The following RANBP2 variants were observed in gnomAD, a reference collection of about 807,000 sequenced individuals.
RANBP2 encodes E3 SUMO-protein ligase RanBP2.
RANBP2 carries 57 observed loss-of-function variants against 303.6 expected under a neutral mutation model. The observed-to-expected ratio is 0.19, with a 90% CI of 0.15 to 0.23. The LOEUF (loss-of-function observed/expected upper bound fraction) is 0.23. Ranked by LOEUF, RANBP2 falls within the 10% of genes least tolerant of loss-of-function variation. The probability of loss-of-function intolerance (pLI) is 1.00; values close to 1 mark genes in which losing one functional copy is unlikely to be tolerated. For missense variants in RANBP2, 3,138 were observed against 3,780.8 expected (o/e 0.83, Z 4.46); for synonymous variants, 1,167 against 1,301.5 (o/e 0.90, Z 2.23).
chr2:109,721,457 G>A, the RANBP2 span, among the ~76,000 whole-genome samples: 3 of 152,192 alleles, frequency 2.0e-5, no homozygotes, highest in Non-Finnish European at 4.4e-5. Context: ...GCCTCCGCAG[G>A]CAGGTATCAG....
chr2:109,183,305 G>C, the RANBP2 span, among the ~76,000 whole-genome samples: 5 of 112,300 alleles, frequency 4.5e-5, no homozygotes, highest in Non-Finnish European at 9.0e-5. Flanking sequence ...TACTGCTTTC[G>C]TGTTCTTAAT....
At chr2:108,770,688 A>G (rs1677438168) in intron 20 of RANBP2, among the ~76,000 whole-genome samples, 1 of 152,250 alleles carries the variant, frequency 6.6e-6, no homozygotes, top group South Asian at 2.1e-4. Flanking sequence ...AAACAGTTAA[A>G]AAGGGAAACA....
chr2:108,722,810 G>T (rs1368494016), intron 1 of RANBP2, among the ~76,000 whole-genome samples: 1 of 150,226 alleles, frequency 6.7e-6, no homozygotes, highest in African/African-American at 2.5e-5. Flanking sequence ...AGAATTGCTT[G>T]AACCCTGGAG....
chr2:109,480,651 C>T, the RANBP2 span, among the ~76,000 whole-genome samples: 1 of 152,050 alleles, frequency 6.6e-6, no homozygotes, highest in Non-Finnish European at 1.5e-5. Context: ...AGGATGGAGA[C>T]GAACAATGCT....
the RANBP2 span, among the ~76,000 whole-genome samples, chr2:109,373,192 T>C: frequency 2.6e-5 from 4 of 152,234 alleles, no homozygotes; most frequent in Non-Finnish European, 5.9e-5. Context: ...TATTTGCACA[T>C]TTGCTTTAGC....
the RANBP2 span, among the ~76,000 whole-genome samples, chr2:109,510,096 G>T: frequency 6.6e-6 from 1 of 152,172 alleles, no homozygotes; most frequent in Non-Finnish European, 1.5e-5. Context: ...AGAATGTTCG[G>T]TTGGCGGGAA....
At chr2:109,098,684 T>C in the RANBP2 span, among the ~76,000 whole-genome samples, 18 of 152,344 alleles carry the variant, frequency 1.2e-4, no homozygotes, top group Middle Eastern at 3.4e-3. Flanking sequence ...ATAAAGCCAA[T>C]TGACACCTTG....
chr2:108,971,146 A>C, the RANBP2 span, among the ~76,000 whole-genome samples: 35 of 152,182 alleles, frequency 2.3e-4, no homozygotes, highest in Non-Finnish European at 4.0e-4. Context: ...GCAGGCGGTC[A>C]GACCCTGATG....
At chr2:109,350,281 G>A in the RANBP2 span, among the ~76,000 whole-genome samples, 1 of 152,216 alleles carries the variant, frequency 6.6e-6, no homozygotes. Flanking sequence ...GTTGAATTGA[G>A]GTCAGAGGCG....
chr2:109,177,219 C>T, the RANBP2 span, among the ~76,000 whole-genome samples: 4 of 152,096 alleles, frequency 2.6e-5, no homozygotes, highest in Non-Finnish European at 5.9e-5. Flanking sequence ...AAACCAGGGA[C>T]GATGATAGCT....
chr2:109,194,709 C>T, the RANBP2 span, among the ~76,000 whole-genome samples: 3 of 152,204 alleles, frequency 2.0e-5, no homozygotes, highest in African/African-American at 7.2e-5. Context: ...GCTTCATTCC[C>T]TCCACCCTAA....
the RANBP2 span, among the ~76,000 whole-genome samples, chr2:109,044,806 A>G: frequency 1.7e-3 from 266 of 152,292 alleles, 1 homozygote; most frequent in African/African-American, 6.2e-3. Context: ...TTTTTAGTGC[A>G]GTGAAGGCAC....
the RANBP2 span, among the ~76,000 whole-genome samples, chr2:109,256,766 A>G: frequency 6.6e-6 from 1 of 152,210 alleles, no homozygotes; most frequent in Non-Finnish European, 1.5e-5. Context: ...TGAATGAATC[A>G]CTGGAGAAAA....
chr2:108,872,180 C>T, the RANBP2 span, among the ~76,000 whole-genome samples: 4 of 152,170 alleles, frequency 2.6e-5, no homozygotes, highest in Non-Finnish European at 4.4e-5. Flanking sequence ...ATTGTTGCCT[C>T]GGAGAATTCA....
the RANBP2 span, among the ~76,000 whole-genome samples, chr2:109,596,360 G>A: frequency 6.6e-6 from 1 of 152,148 alleles, no homozygotes; most frequent in South Asian, 2.1e-4. Context: ...GCTCACGCCT[G>A]TAATTCCAGC....
the RANBP2 span, among the ~76,000 whole-genome samples, chr2:109,222,029 A>G: frequency 2.0e-5 from 3 of 152,196 alleles, no homozygotes; most frequent in Admixed American, 2.0e-4. Flanking sequence ...AAAAGAATGA[A>G]ATCATGTCAT....
the RANBP2 span, among the ~76,000 whole-genome samples, chr2:109,340,369 G>C: frequency 6.6e-6 from 1 of 152,222 alleles, no homozygotes; most frequent in Admixed American, 6.5e-5. Context: ...AAGGGGCAAG[G>C]TCTGGATGAG....
the RANBP2 span, chr2:109,490,902 A>G: frequency 1.3e-6 from 2 of 1,519,958 alleles, no homozygotes; most frequent in Non-Finnish European, 1.8e-6. Context: ...CATGGCTGCC[A>G]TCCGCCCCGA....
At chr2:109,740,683 T>C in the RANBP2 span, among the ~76,000 whole-genome samples, 1 of 150,336 alleles carries the variant, frequency 6.7e-6, no homozygotes, top group East Asian at 2.0e-4. Flanking sequence ...GTCAGGCTAA[T>C]CAAGAAAAAA....
Sources: gnomAD v4.1 joint callset for allele counts (sites outside exome capture counted in the v4.1 genomes callset) on GRCh38, gnomAD v4.1.1 for gene constraint, MANE v1.5 for transcripts, NCBI Gene and HGNC (gene_info 2026-07-23, HGNC 2026-07-21) for gene names.